RAB27A: variants seen among roughly 807,000 people sequenced by gnomAD.
RAB27A encodes the protein RAB27A, member RAS oncogene family.
Under a neutral mutation model 20.8 loss-of-function variants are expected in RAB27A, and 17 were observed. The observed-to-expected ratio is 0.82, with a 90% CI of 0.56 to 1.23. The LOEUF (loss-of-function observed/expected upper bound fraction) is 1.23, where lower values mean the gene tolerates loss of function less well. Ranked by LOEUF, RAB27A falls within the 50% of genes most tolerant of loss-of-function variation. The probability of loss-of-function intolerance (pLI) is 0.00; values close to 1 mark genes in which losing one functional copy is unlikely to be tolerated. For missense variants in RAB27A, 277 were observed against 266.7 expected, an observed-to-expected ratio of 1.04 and a Z score of -0.27; for synonymous variants, 85 against 92.8, an observed-to-expected ratio of 0.92 and a Z score of 0.48.
At chr15:55,218,091 C>T (rs988031000) in intron 6 of RAB27A, among the ~76,000 whole-genome samples, 1 of 152,142 alleles carries the variant, frequency 6.6e-6, no homozygotes, top group African/African-American at 2.4e-5. Flanking sequence ...TAGAGGTTGC[C>T]AGGAATAACA....
intron 4 of RAB27A, among the ~76,000 whole-genome samples, chr15:55,229,385 A>ATTT: frequency 6.6e-6 from 1 of 152,352 alleles, no homozygotes; most frequent in Non-Finnish European, 1.5e-5. Flanking sequence ...TTTATTAAAA[A>ATTT]GAGTTCTTGG....
chr15:55,236,549 G>GA (rs1896265535), intron 2 of RAB27A, among the ~76,000 whole-genome samples: 1 of 152,064 alleles, frequency 6.6e-6, no homozygotes, highest in African/African-American at 2.4e-5. Flanking sequence ...CCTTAAAGAA[G>GA]AAAAATTCAT....
At chr15:55,315,979 A>G (rs555027136) in intron 1 of RAB27A, among the ~76,000 whole-genome samples, 1 of 152,330 alleles carries the variant, frequency 6.6e-6, no homozygotes, top group Non-Finnish European at 1.5e-5. Flanking sequence ...CATGCCTATA[A>G]TCCCAGCACT....
At position 55,235,857 on chromosome 15, in the gene RAB27A, C is replaced by T. The variant is rs577155225; in HGVS notation, c.-22-901G>A. Among the ~76,000 whole-genome samples, 3 of 152,218 alleles carry T rather than the reference C, an allele frequency of 2.0e-5. No homozygotes were observed. The South Asian group carries it at 6.2e-4, about 32-fold the overall frequency. On this transcript the variant is annotated intron_variant, in intron 2 of 6. Transcript: ENST00000336787. The stretch of plus-strand genomic sequence containing the variant: ...CAAAAAGGAACGAAATAATGGCATT[C>T]ACAGCAATCTGGATGGAATTGAAGA...
intron 6 of RAB27A, among the ~76,000 whole-genome samples, chr15:55,220,315 T>C (rs1297504356): frequency 6.6e-6 from 1 of 152,188 alleles, no homozygotes; most frequent in South Asian, 2.1e-4. Flanking sequence ...TTGCCCAGGC[T>C]GGAGTGCAAT....
chr15:55,224,037 T>C (rs1178038107), intron 5 of RAB27A, 25 bp from the exon 6 acceptor site: 3 of 1,500,832 alleles, frequency 2.0e-6, no homozygotes, highest in Non-Finnish European at 9.2e-7. Context: ...AAGTTTATTA[T>C]ATATGTAAAT....
At chr15:55,206,247 A>G in intron 6 of RAB27A, 1 of 639,474 alleles carries the variant, frequency 1.6e-6, no homozygotes, top group Non-Finnish European at 1.9e-6. Context: ...GACCATATAT[A>G]TATTTTGGCA....
chr15:55,305,615 T>C (rs1173170510), intron 2 of RAB27A, among the ~76,000 whole-genome samples: 1 of 152,198 alleles, frequency 6.6e-6, no homozygotes, highest in African/African-American at 2.4e-5. Flanking sequence ...TGCTCTACGT[T>C]GTATTTGATC....
chr15:55,304,624 A>G (rs2141143971), intron 2 of RAB27A, among the ~76,000 whole-genome samples: 1 of 152,276 alleles, frequency 6.6e-6, no homozygotes, highest in African/African-American at 2.4e-5. Context: ...AATAGGTGCC[A>G]TCTTGTGCAT....
At chr15:55,237,107 C>T (rs1355700150) in intron 2 of RAB27A, among the ~76,000 whole-genome samples, 1 of 152,194 alleles carries the variant, frequency 6.6e-6, no homozygotes, top group Non-Finnish European at 1.5e-5. Flanking sequence ...TCCATCTATA[C>T]ACATGCCAGA....
At chr15:55,249,724 T>A (rs983905451) in intron 2 of RAB27A, among the ~76,000 whole-genome samples, 4 of 152,236 alleles carry the variant, frequency 2.6e-5, no homozygotes, top group Non-Finnish European at 5.9e-5. Flanking sequence ...TTTTTGCTAC[T>A]TCATCTGTTT....
chr15:55,214,325 A>G (rs1488299948), intron 6 of RAB27A, among the ~76,000 whole-genome samples: 3 of 152,066 alleles, frequency 2.0e-5, no homozygotes, highest in Admixed American at 6.6e-5. Context: ...AGTCCCAGCT[A>G]CTCGGGAGGC....
At chr15:55,236,516 G>C (rs1200924969) in intron 2 of RAB27A, among the ~76,000 whole-genome samples, 1 of 152,064 alleles carries the variant, frequency 6.6e-6, no homozygotes, top group Admixed American at 6.6e-5. Flanking sequence ...CAGCTCTTCA[G>C]TACCGACTAA....
At chr15:55,268,677 T>G (rs765299114) in intron 2 of RAB27A, among the ~76,000 whole-genome samples, 2 of 152,242 alleles carry the variant, frequency 1.3e-5, no homozygotes, top group Non-Finnish European at 2.9e-5. Flanking sequence ...CCATGTCTTA[T>G]GCATCTTCAC....
intron 1 of RAB27A, among the ~76,000 whole-genome samples, chr15:55,283,850 CT>C (rs1179058690): frequency 6.6e-6 from 1 of 152,158 alleles, no homozygotes; most frequent in African/African-American, 2.4e-5. Context: ...TTGTGTTTAA[CT>C]AGCTGATTTA....
At chr15:55,259,074 C>T (rs536630340) in intron 2 of RAB27A, among the ~76,000 whole-genome samples, 1 of 152,290 alleles carries the variant, frequency 6.6e-6, no homozygotes, top group Admixed American at 6.5e-5. Flanking sequence ...CCTTGGCCGT[C>T]CAAAGTGCTG....
At chr15:55,264,927 G>T (rs1263683194) in intron 2 of RAB27A, among the ~76,000 whole-genome samples, 2 of 152,164 alleles carry the variant, frequency 1.3e-5, no homozygotes, top group African/African-American at 4.8e-5. Flanking sequence ...TTGTGGAAAT[G>T]CCCAAGGAAA....
intron 1 of RAB27A, among the ~76,000 whole-genome samples, chr15:55,277,952 A>G (rs1897918270): frequency 6.6e-6 from 1 of 152,374 alleles, no homozygotes; most frequent in African/African-American, 2.4e-5. Context: ...GTAAAATGAA[A>G]GATAATATCT....
At chr15:55,221,889 G>C (rs1243930895) in intron 6 of RAB27A, among the ~76,000 whole-genome samples, 1 of 152,136 alleles carries the variant, frequency 6.6e-6, no homozygotes, top group Non-Finnish European at 1.5e-5. Context: ...AACAGGAAGT[G>C]ACATGGGTTT....
Sources: allele counts gnomAD v4.1 joint callset (sites outside exome capture counted in the v4.1 genomes callset), GRCh38; gene constraint gnomAD v4.1.1; transcripts MANE v1.5; gene names NCBI Gene and HGNC (gene_info 2026-07-23, HGNC 2026-07-21).